DTWD2: variants seen among roughly 807,000 people sequenced by gnomAD.
The protein encoded by DTWD2 is DTW motif tRNA-uridine aminocarboxypropyltransferase 2.
In DTWD2, 39 loss-of-function variants were observed where a neutral mutation model predicts 31.8. That is an observed-to-expected ratio of 1.22 (90% CI 0.95 to 1.60). The LOEUF is 1.60. Among genes scored for constraint, DTWD2 ranks in the 40% most tolerant of loss-of-function variants. The pLI is 0.00. For missense variants in DTWD2, 515 were observed against 381.5 expected (o/e 1.35, Z -2.92); for synonymous variants, 180 against 142.8 (o/e 1.26, Z -1.86).
At chr5:118,858,591 C>A (rs1752191105) in intron 4 of DTWD2, among the ~76,000 whole-genome samples, 1 of 152,126 alleles carries the variant, frequency 6.6e-6, no homozygotes, top group Admixed American at 6.5e-5. Context: ...ATGCAGATTC[C>A]AGAATTATCA....
chr5:118,861,685 G>C (rs907015800), intron 4 of DTWD2, among the ~76,000 whole-genome samples: 11 of 152,054 alleles, frequency 7.2e-5, no homozygotes, highest in African/African-American at 2.7e-4. Context: ...AAAGAGACTG[G>C]GATAAGGCAG....
intron 1 of DTWD2, among the ~76,000 whole-genome samples, chr5:118,984,900 T>C (rs903755547): frequency 3.9e-5 from 6 of 152,234 alleles, no homozygotes; most frequent in African/African-American, 9.6e-5. Context: ...CCAGTCAAGC[T>C]TGTACCCTTT....
chr5:118,901,705 C>T (rs887873327), intron 4 of DTWD2, among the ~76,000 whole-genome samples: 58 of 152,010 alleles, frequency 3.8e-4, no homozygotes, highest in African/African-American at 1.3e-3. Flanking sequence ...TAAATGTGTC[C>T]TAACTATCCA....
rs1561478079 is a variant in DTWD2, at chr5:118,973,657, G to GGCAGCCTCCTTGCTCGCA, written c.218+14636_218+14637insTGCGAGCAAGGAGGCTGC. 38 of 431,790 alleles carry GGCAGCCTCCTTGCTCGCA rather than the reference G, an allele frequency of 8.8e-5. No homozygotes were observed. The African/African-American group carries it at 9.9e-4, about 11-fold the overall frequency. The allele number at this position is 431,790 out of a possible 1,614,324, so 26.7% of individuals were successfully genotyped here. A position where few individuals can be genotyped will look rare whatever the true frequency, so the allele number is the denominator to read the frequency against. On this transcript the variant is annotated intron_variant, in intron 1 of 5. Transcript: ENST00000510708. ...TGCTCGCGGCAGCCTCCTTGCTCGC[G>GGCAGCCTCCTTGCTCGCA]GCAGCCTCCTTGCTCGCCGCAGCCG...
chr5:118,910,927 G>T (rs1421436708), intron 4 of DTWD2, among the ~76,000 whole-genome samples: 1 of 151,984 alleles, frequency 6.6e-6, no homozygotes, highest in East Asian at 1.9e-4. Flanking sequence ...CTTTTATAAG[G>T]GCACTAATCC....
At chr5:118,881,371 T>C (rs1039471212) in intron 4 of DTWD2, among the ~76,000 whole-genome samples, 2 of 152,184 alleles carry the variant, frequency 1.3e-5, no homozygotes, top group African/African-American at 2.4e-5. Flanking sequence ...ATTTGAGTAT[T>C]TGAAAAGTTC....
chr5:118,956,166 T>C (rs1754583557), intron 1 of DTWD2, among the ~76,000 whole-genome samples: 1 of 152,214 alleles, frequency 6.6e-6, no homozygotes. Flanking sequence ...ATTCTGGCTA[T>C]TATTTTGAGC....
At chr5:118,846,752 T>C (rs1180639146) in intron 5 of DTWD2, among the ~76,000 whole-genome samples, 3 of 152,142 alleles carry the variant, frequency 2.0e-5, no homozygotes, top group East Asian at 3.8e-4. Context: ...ACTATGTTTA[T>C]GGCTAGGGAC....
At chr5:118,882,487 G>A (rs748241873) in intron 4 of DTWD2, among the ~76,000 whole-genome samples, 2 of 152,202 alleles carry the variant, frequency 1.3e-5, no homozygotes, top group Non-Finnish European at 1.5e-5. Context: ...CTCTGTGTGG[G>A]GGCTCCAAAC....
At chr5:118,932,780 G>A (rs1753956451) in intron 3 of DTWD2, among the ~76,000 whole-genome samples, 1 of 152,140 alleles carries the variant, frequency 6.6e-6, no homozygotes, top group African/African-American at 2.4e-5. Context: ...AAATCTACTG[G>A]CCTCTTGATC....
chr5:118,930,004 T>C (rs1270505077), intron 3 of DTWD2, among the ~76,000 whole-genome samples: 1 of 152,234 alleles, frequency 6.6e-6, no homozygotes, highest in Non-Finnish European at 1.5e-5. Context: ...AGCTTTGCCA[T>C]GCTCTAAGCC....
In DTWD2 at chr5:118,836,353, C is replaced by G. The variant is rs1751569149; in HGVS notation, c.*4564G>C. Among the ~76,000 whole-genome samples, 1 of 152,100 alleles carries G rather than the reference C, an allele frequency of 6.6e-6. No individual in the cohort carries two copies. The highest frequency in any genetic ancestry group is 1.9e-4 in the East Asian group (1 of 5,184). ...CTCCCAGGTTCAAGCAATTCTCTGC[C>G]TCAGCCTCCTGAGTAGCTGGGATTA... On this transcript the variant is annotated 3_prime_UTR_variant, in exon 6 of 6. Transcript: ENST00000510708.
chr5:118,877,360 T>C (rs1580781510), intron 4 of DTWD2, among the ~76,000 whole-genome samples: 1 of 152,002 alleles, frequency 6.6e-6, no homozygotes, highest in South Asian at 2.1e-4. Flanking sequence ...TAGTCCCAGG[T>C]ACTTGGGAGG....
intron 4 of DTWD2, among the ~76,000 whole-genome samples, chr5:118,852,222 T>C (rs1752025450): frequency 6.6e-6 from 1 of 152,172 alleles, no homozygotes; most frequent in Non-Finnish European, 1.5e-5. Flanking sequence ...AAATCACTGT[T>C]ATTCTGTTTA....
intron 4 of DTWD2, among the ~76,000 whole-genome samples, chr5:118,926,028 T>A (rs1168290477): frequency 6.6e-6 from 1 of 151,026 alleles, no homozygotes; most frequent in African/African-American, 2.4e-5. Context: ...AGCCCTGGAG[T>A]TCAAGGCCAG....
intron 4 of DTWD2, among the ~76,000 whole-genome samples, chr5:118,859,423 T>C (rs1278710885): frequency 6.6e-6 from 1 of 152,240 alleles, no homozygotes; most frequent in Non-Finnish European, 1.5e-5. Flanking sequence ...TAATGGCATA[T>C]GTTTTACATG....
At chr5:118,844,341 G>C (rs1265447836) in intron 5 of DTWD2, among the ~76,000 whole-genome samples, 1 of 152,140 alleles carries the variant, frequency 6.6e-6, no homozygotes, top group Non-Finnish European at 1.5e-5. Flanking sequence ...AAGTAGAAAA[G>C]GTTCTGTAAT....
intron 4 of DTWD2, among the ~76,000 whole-genome samples, chr5:118,892,254 T>C (rs1283770876): frequency 2.0e-5 from 3 of 152,158 alleles, no homozygotes; most frequent in African/African-American, 7.2e-5. Flanking sequence ...CATATCTAAG[T>C]TGTGACAAGC....
In DTWD2 at chr5:118,840,912, C is replaced by A. The variant is rs1318022687; in HGVS notation, c.*5G>T. 2 of 1,610,858 alleles carry A rather than the reference C, an allele frequency of 1.2e-6. No homozygotes were observed. Among genetic ancestry groups the A allele is most frequent in the African/African-American group, 1.3e-5 (1 of 74,914 alleles). ...AGTTAAGCTAGCACCAAAAGAATAA[C>A]TGTACTAAATTTTAACACTATTCAT... On this transcript the variant is annotated 3_prime_UTR_variant, in exon 6 of 6. Transcript: ENST00000510708.
Sources: gnomAD v4.1 joint callset for allele counts (sites outside exome capture counted in the v4.1 genomes callset) on GRCh38, gnomAD v4.1.1 for gene constraint, MANE v1.5 for transcripts, NCBI Gene and HGNC (gene_info 2026-07-23, HGNC 2026-07-21) for gene names.